ARHGEF1: variants seen among roughly 807,000 people sequenced by gnomAD.
The protein encoded by ARHGEF1 is Rho guanine nucleotide exchange factor 1, also known as 115 kDa guanine nucleotide exchange factor.
Under a neutral mutation model 119.7 loss-of-function variants are expected in ARHGEF1, and 40 were observed. That is an observed-to-expected ratio of 0.33 (90% CI 0.26 to 0.44). ARHGEF1 has a LOEUF of 0.44. Among genes scored for constraint, ARHGEF1 ranks in the 20% least tolerant of loss-of-function variants. The probability of loss-of-function intolerance (pLI) is 1.00; values close to 1 mark genes in which losing one functional copy is unlikely to be tolerated. For synonymous variants in ARHGEF1, 494 were observed against 521.0 expected (o/e 0.95, Z 0.71); for missense variants, 976 against 1,268.3 (o/e 0.77, Z 3.50).
intron 1 of ARHGEF1, among the ~76,000 whole-genome samples, chr19:41,926,062 G>A (rs1555853244): frequency 2.0e-5 from 3 of 152,112 alleles, no homozygotes; most frequent in South Asian, 2.1e-4. Flanking sequence ...GTGAGGAACA[G>A]GTGAGTTTGC....
upstream of ARHGEF1, among the ~76,000 whole-genome samples, chr19:41,920,309 A>G (rs1234234420): frequency 2.1e-5 from 3 of 146,278 alleles, no homozygotes; most frequent in African/African-American, 7.5e-5. Flanking sequence ...GCTCACAGAC[A>G]TGACATGCCC....
Position 41,914,784 on chromosome 19 carries a change from T to C in ARHGEF1, c.1865+7981T>C, listed in dbSNP as rs530760286. On this transcript the variant is annotated intron_variant, in intron 18 of 20. Transcript: ENST00000599589. ...CCACCGTCTCTGTCTCTCCCTCCCC[T>C]TCCACCGTCTCTGTCTCTCCCTCCC... Among the ~76,000 whole-genome samples the C allele has an allele frequency of 2.4e-4, 7 of 29,266 alleles. 1 individual carries two copies. Among genetic ancestry groups the C allele is most frequent in the African/African-American group, 7.9e-4 (4 of 5,076 alleles). 19.2% of individuals were successfully genotyped at this position (29,266 alleles called of 152,430 possible). A position where few individuals can be genotyped will look rare whatever the true frequency, so the allele number is the denominator to read the frequency against.
At chr19:41,913,884 TC>T (rs1188391425) in intron 18 of ARHGEF1, among the ~76,000 whole-genome samples, 2 of 101,064 alleles carry the variant, frequency 2.0e-5, no homozygotes, top group Non-Finnish European at 4.2e-5. Context: ...ACCCCTCCCC[TC>T]AGGCACTTCA....
At position 41,906,754 on chromosome 19, in the gene ARHGEF1, G is replaced by A; in HGVS notation, c.2707G>A (p.Gly903Arg). 2.5e-6 allele frequency: 4 copies of A among 1,611,566 alleles called. No individual in the cohort carries two copies. The highest frequency in any genetic ancestry group is 2.2e-5 in the East Asian group (1 of 44,750). Residue 903 changes from glycine to arginine, a missense_variant, in exon 28 of 29, where the codon GGG (glycine) becomes AGG (arginine). Gly to Arg is a moderately radical substitution (Grantham distance 125). This residue lies in a region of ARHGEF1 where 171 missense variants were observed against 180.6 expected (regional missense o/e 0.95). Coordinates refer to ENST00000354532, the MANE Select transcript of ARHGEF1 (RefSeq NM_004706.4). This position sits in a 1 kb window ranked among gnomAD's most constrained non-coding sequence, Gnocchi z 4.5. Reference sequence around the variant, plus strand: ...GAGACCCCTCCTGTCTCAGCTTGGGGGGAACTCTGTCCCCCAGCCTGGCTG... The same window carrying A: ...GAGACCCCTCCTGTCTCAGCTTGGGAGGAACTCTGTCCCCCAGCCTGGCTG... ...RLRPLLSQLGGNSVPQPGCT is the reference protein window; with the variant it reads ...RLRPLLSQLGRNSVPQPGCT
In ARHGEF1 at chr19:41,883,473, C is replaced by T. The variant is rs1292691305; in HGVS notation, c.-20+184C>T. Reference sequence around the variant, plus strand: ...GTCAAAGGGAGCAAAGAGGGGAGAACTCACACTTGACGAGTGCCCCATAGG... The same window carrying T: ...GTCAAAGGGAGCAAAGAGGGGAGAATTCACACTTGACGAGTGCCCCATAGG... On this transcript the variant is annotated intron_variant, in intron 1 of 28. Transcript: ENST00000354532. The surrounding 1 kb of genome is among the most constrained non-coding windows in gnomAD (Gnocchi z 7.6). Among the ~76,000 whole-genome samples the T allele has an allele frequency of 6.6e-6, 1 of 152,238 alleles. No homozygotes were observed. Among genetic ancestry groups the T allele is most frequent in the African/African-American group, 2.4e-5 (1 of 41,470 alleles).
downstream of ARHGEF1, among the ~76,000 whole-genome samples, chr19:41,910,689 C>T (rs2074746677): frequency 6.6e-6 from 1 of 152,204 alleles, no homozygotes; most frequent in Admixed American, 6.5e-5. This position sits in a 1 kb window ranked among gnomAD's most constrained non-coding sequence, Gnocchi z 4.4. Context: ...TATCCATGCC[C>T]ATGTCCGTCC....
intron 14 of ARHGEF1, among the ~76,000 whole-genome samples, chr19:41,900,150 A>T (rs1288754684): frequency 6.6e-6 from 1 of 152,136 alleles, no homozygotes; most frequent in Admixed American, 6.5e-5. Context: ...CCTGGCCAAC[A>T]TGGTGAAACC....
chr19:41,886,910 C>T (rs1281425504), intron 1 of ARHGEF1, among the ~76,000 whole-genome samples: 6 of 152,174 alleles, frequency 3.9e-5, no homozygotes, highest in African/African-American at 1.2e-4. Flanking sequence ...CCACCTGACA[C>T]GGGCTCCGTG....
chr19:41,907,308 C>G lies in ARHGEF1; in HGVS notation c.*221C>G. On this transcript the variant is annotated 3_prime_UTR_variant, in exon 29 of 29. Transcript: ENST00000354532. ...CCCTCTGCTTGGGGGACTCAGGGCT[C>G]CATTCTGGAGGGCACCACGGTGACC... is the stretch of plus-strand genomic sequence containing the variant. 6.5e-7 allele frequency: 1 copy of G among 1,533,494 alleles called. No homozygotes were observed. The highest frequency in any genetic ancestry group is 1.2e-5 in the South Asian group (1 of 83,694). 95.0% of individuals were successfully genotyped at this position (1,533,494 alleles called of 1,614,324 possible).
chr19:41,929,105 G>A (rs2074890379), intron 2 of ARHGEF1: 1 of 297,544 alleles, frequency 3.4e-6, no homozygotes, highest in Admixed American at 4.5e-5. Context: ...CGTAATACAG[G>A]AAGTGGAAAC....
chr19:41,922,006 C>T (rs1349365724), upstream of ARHGEF1, among the ~76,000 whole-genome samples: 1 of 152,024 alleles, frequency 6.6e-6, no homozygotes, highest in Non-Finnish European at 1.5e-5. Context: ...TACCTCCACC[C>T]CCAGCCTCAC....
rs2074462631 is a variant in ARHGEF1, at chr19:41,895,223, G to C, written c.878-126G>C. On this transcript the variant is annotated intron_variant, in intron 11 of 28. Coordinates refer to ENST00000354532, the MANE Select transcript of ARHGEF1 (RefSeq NM_004706.4). ...GGAGGGGTTGAGGGCTCCTGGGTCTGAGGGAGGAAGGGGCTCCTTGTCATG... is the reference window on the plus strand; with the variant it reads ...GGAGGGGTTGAGGGCTCCTGGGTCTCAGGGAGGAAGGGGCTCCTTGTCATG... 3 of 1,307,014 alleles carry C rather than the reference G, an allele frequency of 2.3e-6. No homozygotes were observed. In the African/African-American group the frequency reaches 4.4e-5, roughly 19 times the overall value. The allele number at this position is 1,307,014 out of a possible 1,614,324, so 81.0% of individuals were successfully genotyped here.
upstream of ARHGEF1, among the ~76,000 whole-genome samples, chr19:41,922,864 C>T (rs2074850344): frequency 1.3e-5 from 2 of 152,212 alleles, no homozygotes; most frequent in Non-Finnish European, 1.5e-5. Flanking sequence ...CGAGGCGGAT[C>T]GATCCCTGTC....
chr19:41,927,867 G>A (rs1383782465), intron 1 of ARHGEF1, among the ~76,000 whole-genome samples: 1 of 151,452 alleles, frequency 6.6e-6, no homozygotes, highest in Non-Finnish European at 1.5e-5. Flanking sequence ...AGAGTTGGGC[G>A]CTGCCCCACC....
At chr19:41,893,679 C>T (rs553414000) in intron 8 of ARHGEF1, among the ~76,000 whole-genome samples, 4 of 35,128 alleles carry the variant, frequency 1.1e-4, no homozygotes, top group African/African-American at 7.5e-4. Flanking sequence ...GGCCTGGACT[C>T]CTGGGTCTGA....
At chr19:41,910,512 C>A (rs1354706315), downstream of ARHGEF1, among the ~76,000 whole-genome samples, 4 of 152,146 alleles carry the variant, frequency 2.6e-5, no homozygotes, top group African/African-American at 4.8e-5. The surrounding 1 kb of genome is among the most constrained non-coding windows in gnomAD (Gnocchi z 4.4). Flanking sequence ...GCGGTGCCCT[C>A]AGCTCTTACT....
At chr19:41,919,927 C>CGTGA (rs1354621745), upstream of ARHGEF1, among the ~76,000 whole-genome samples, 17 of 151,872 alleles carry the variant, frequency 1.1e-4, no homozygotes, top group Non-Finnish European at 5.9e-5. Flanking sequence ...ACATGACACG[C>CGTGA]TCACAGACAT....
At chr19:41,915,244 A>C (rs1337296538) in intron 18 of ARHGEF1, among the ~76,000 whole-genome samples, 2 of 145,712 alleles carry the variant, frequency 1.4e-5, no homozygotes, top group Non-Finnish European at 3.0e-5. Flanking sequence ...GAGCCGTGGG[A>C]TCGGCGCTCC....
rs1425750987 is a variant in ARHGEF1 at position 41,888,098 on chromosome 19, C to T, written c.16C>T (p.Arg6Ter). 1.9e-6 allele frequency: 3 copies of T among 1,613,612 alleles called. No homozygotes were observed. The highest frequency in any genetic ancestry group is 2.2e-5 in the East Asian group (1 of 44,866). The change falls in exon 2 of 29, where the codon CGA becomes TGA. Residue 6 changes from arginine (R) to a stop codon, truncating the protein, a stop_gained. Coordinates refer to ENST00000354532, the MANE Select transcript of ARHGEF1 (RefSeq NM_004706.4). LOFTEE classifies it high-confidence loss of function. The surrounding 1 kb of genome is among the most constrained non-coding windows in gnomAD (Gnocchi z 5.1). ...GCCCAGGGAGATGGAAGACTTCGCC[C>T]GAGGGGCGGTGAGTGGACAGAGCAA... MEDFA[R>*]GAASPGPSRP... is the part of the protein sequence containing the mutation.
Sources: allele counts gnomAD v4.1 joint callset (sites outside exome capture counted in the v4.1 genomes callset), GRCh38; gene constraint gnomAD v4.1.1; regional missense constraint gnomAD v4.1.1; non-coding constraint Gnocchi (gnomAD v3.1); transcripts MANE v1.5; gene names NCBI Gene and HGNC (gene_info 2026-07-23, HGNC 2026-07-21).